Variants in KLF13 observed in about 807,000 individuals in gnomAD.
The protein encoded by KLF13 is Krueppel-like factor 13.
In KLF13, 8 loss-of-function variants were observed where a neutral mutation model predicts 16.7. That is an observed-to-expected ratio of 0.48 (90% CI 0.28 to 0.87). KLF13 has a LOEUF of 0.87. Ranked by LOEUF, KLF13 falls within the 40% of genes least tolerant of loss-of-function variation. The probability of loss-of-function intolerance (pLI) is 0.10; values close to 1 mark genes in which losing one functional copy is unlikely to be tolerated. For missense variants in KLF13, 447 were observed against 452.2 expected, an observed-to-expected ratio of 0.99 and a Z score of 0.10; for synonymous variants, 245 against 208.4, an observed-to-expected ratio of 1.18 and a Z score of -1.51.
chr15:31,427,780 CA>C (rs767007797), intron 1 of KLF13, among the ~76,000 whole-genome samples: 113 of 152,126 alleles, frequency 7.4e-4, no homozygotes, highest in Admixed American at 3.9e-4. Flanking sequence ...TGGTGGAAGG[CA>C]AATTGGGAGC....
At chr15:31,395,257 G>A (rs893226927) in intron 2 of KLF13, among the ~76,000 whole-genome samples, 5 of 152,156 alleles carry the variant, frequency 3.3e-5, no homozygotes, top group African/African-American at 1.2e-4. Context: ...TGAGATTACA[G>A]GCGTGAGCCA....
At chr15:31,429,593 G>T (rs1234926881) in intron 1 of KLF13, among the ~76,000 whole-genome samples, 1 of 151,986 alleles carries the variant, frequency 6.6e-6, no homozygotes, top group African/African-American at 2.4e-5. Context: ...TAAATGTTAT[G>T]TATATTTTAC....
chr15:31,383,878 G>C (rs2039761941), intron 1 of KLF13, among the ~76,000 whole-genome samples: 1 of 151,914 alleles, frequency 6.6e-6, no homozygotes, highest in Admixed American at 6.6e-5. Flanking sequence ...CTCCAGCCTG[G>C]GCAACAGAGC....
At chr15:31,339,966 A>G (rs983617940) in intron 1 of KLF13, 11 of 702,218 alleles carry the variant, frequency 1.6e-5, no homozygotes, top group African/African-American at 1.0e-4. Flanking sequence ...GTAAAGAGTC[A>G]CCTGCCCCAT....
chr15:31,367,907 C>G (rs763059795), intron 1 of KLF13, among the ~76,000 whole-genome samples: 1 of 152,182 alleles, frequency 6.6e-6, no homozygotes, highest in Non-Finnish European at 1.5e-5. Flanking sequence ...GCAACCGAAA[C>G]TTACTCTCTC....
At chr15:31,423,133 G>GTATATATACGTATA (rs771153714) in intron 1 of KLF13, among the ~76,000 whole-genome samples, 3 of 95,612 alleles carry the variant, frequency 3.1e-5, no homozygotes, top group Admixed American at 2.2e-4. Flanking sequence ...GTATATATAC[G>GTATATATACGTATA]TATACGTATA....
Position 31,374,321 on chromosome 15 carries a change from G to A in KLF13, c.*2022G>A, listed in dbSNP as rs1169846615. 3 of 152,460 alleles carry A rather than the reference G, an allele frequency of 2.0e-5. No individual in the cohort carries two copies. Among genetic ancestry groups the A allele is most frequent in the Non-Finnish European group, 4.4e-5 (3 of 68,148 alleles). 9.4% of individuals were successfully genotyped at this position (152,460 alleles called of 1,614,324 possible). ...GTTTCTGCTGTGGTGGGAACTGGCAGGGAGAGGGTCACCTCCACTCTGGTT... is the reference window on the plus strand; with the variant it reads ...GTTTCTGCTGTGGTGGGAACTGGCAAGGAGAGGGTCACCTCCACTCTGGTT... On this transcript the variant is annotated 3_prime_UTR_variant, in exon 2 of 2. Coordinates refer to ENST00000307145, the MANE Select transcript of KLF13 (RefSeq NM_015995.4).
At chr15:31,433,482 G>A (rs2040495852) in intron 1 of KLF13, among the ~76,000 whole-genome samples, 1 of 152,148 alleles carries the variant, frequency 6.6e-6, no homozygotes, top group South Asian at 2.1e-4. Flanking sequence ...CTCTCAGGGA[G>A]TCCACTCTCT....
intron 1 of KLF13, chr15:31,420,053 A>AT (rs2040303242): frequency 6.2e-5 from 14 of 224,666 alleles, no homozygotes; most frequent in South Asian, 3.6e-4. Flanking sequence ...GTGCTGGAAG[A>AT]AAAAAACCTT....
At chr15:31,379,737 G>T (rs958020111), downstream of KLF13, among the ~76,000 whole-genome samples, 7 of 152,230 alleles carry the variant, frequency 4.6e-5, no homozygotes, top group African/African-American at 1.7e-4. Context: ...GAGAGGGTCT[G>T]TGGCTGACAG....
At chr15:31,349,310 C>T (rs1472656065) in intron 1 of KLF13, among the ~76,000 whole-genome samples, 3 of 152,216 alleles carry the variant, frequency 2.0e-5, no homozygotes, top group Admixed American at 1.3e-4. Context: ...CACTGCTTTC[C>T]CCATGAGCCG....
At chr15:31,335,852 G>A (rs550131770) in intron 1 of KLF13, among the ~76,000 whole-genome samples, 2 of 152,330 alleles carry the variant, frequency 1.3e-5, no homozygotes, top group South Asian at 2.1e-4. Context: ...CTTGAAGCTG[G>A]AGCCCACGCT....
downstream of KLF13, among the ~76,000 whole-genome samples, chr15:31,405,872 A>G (rs2040122276): frequency 6.6e-6 from 1 of 152,210 alleles, no homozygotes; most frequent in Admixed American, 6.5e-5. Context: ...GAAGAGGAAC[A>G]AAAGTAACAG....
chr15:31,395,459 T>A (rs1472034049), intron 2 of KLF13, among the ~76,000 whole-genome samples: 2 of 152,202 alleles, frequency 1.3e-5, no homozygotes, highest in African/African-American at 2.4e-5. Flanking sequence ...TTTCCTTATT[T>A]ATTTATTTAT....
chr15:31,369,968 G>A (rs1262703635), intron 1 of KLF13, among the ~76,000 whole-genome samples: 1 of 151,494 alleles, frequency 6.6e-6, no homozygotes, highest in Non-Finnish European at 1.5e-5. Context: ...AGAGCTTCTC[G>A]CAGCAGAGGT....
At chr15:31,430,974 C>T (rs569259258) in intron 1 of KLF13, among the ~76,000 whole-genome samples, 3 of 152,274 alleles carry the variant, frequency 2.0e-5, no homozygotes, top group South Asian at 4.1e-4. Context: ...GCCCCTGCTA[C>T]GGACTGAGTA....
At chr15:31,434,819 T>G (rs999347729) in intron 1 of KLF13, among the ~76,000 whole-genome samples, 7 of 152,140 alleles carry the variant, frequency 4.6e-5, no homozygotes, top group African/African-American at 7.2e-5. Flanking sequence ...CGCAGCAGCT[T>G]TTGCTCATCC....
intron 1 of KLF13, among the ~76,000 whole-genome samples, chr15:31,355,148 A>C (rs2039280460): frequency 2.0e-5 from 3 of 152,246 alleles, no homozygotes; most frequent in African/African-American, 7.2e-5. Context: ...AAAAGCAACA[A>C]CAACCGAAAC....
At chr15:31,368,202 T>C (rs1347455016) in intron 1 of KLF13, among the ~76,000 whole-genome samples, 7 of 152,190 alleles carry the variant, frequency 4.6e-5, no homozygotes. Flanking sequence ...GGGGGACCAT[T>C]ATCTGCCCTA....
Sources: gnomAD v4.1 joint callset for allele counts (sites outside exome capture counted in the v4.1 genomes callset) on GRCh38, gnomAD v4.1.1 for gene constraint, MANE v1.5 for transcripts, NCBI Gene and HGNC (gene_info 2026-07-23, HGNC 2026-07-21) for gene names.